ATP6V1C2: variants seen among roughly 807,000 people sequenced by gnomAD.
The protein encoded by ATP6V1C2 is ATPase H+ transporting V1 subunit C2, also known as V-type proton ATPase subunit C 2.
A neutral mutation model predicts 56.8 loss-of-function variants in ATP6V1C2; 45 were observed. That is an observed-to-expected ratio of 0.79 (90% CI 0.62 to 1.02). The LOEUF (loss-of-function observed/expected upper bound fraction) is 1.02, where lower values mean the gene tolerates loss of function less well. ATP6V1C2 is among the 50% of genes least tolerant of loss of function. ATP6V1C2 has a pLI of 0.00. For synonymous variants in ATP6V1C2, 220 were observed against 201.3 expected (o/e 1.09, Z -0.79); for missense variants, 463 against 519.7 (o/e 0.89, Z 1.06).
At chr2:10,744,388 T>C (rs976427055) in intron 3 of ATP6V1C2, 10 of 152,218 alleles carry the variant, frequency 6.6e-5, no homozygotes, top group African/African-American at 2.4e-4. Context: ...CTTTATACAC[T>C]GAACTAATTG....
chr2:10,720,943 C>A (rs1488576090), upstream of ATP6V1C2: 1 of 152,208 alleles, frequency 6.6e-6, no homozygotes, highest in Non-Finnish European at 1.5e-5. Flanking sequence ...TCCAGGGTTT[C>A]CCCCTCCTGG....
chr2:10,721,460 C>T (rs1213425263), upstream of ATP6V1C2, among the ~76,000 whole-genome samples: 2 of 152,130 alleles, frequency 1.3e-5, no homozygotes, highest in Admixed American at 6.5e-5. Flanking sequence ...GGACTGGAGA[C>T]CCTGCGCGTC....
At chr2:10,751,235 C>T (rs576183380) in intron 3 of ATP6V1C2, among the ~76,000 whole-genome samples, 5 of 152,096 alleles carry the variant, frequency 3.3e-5, no homozygotes, top group African/African-American at 1.2e-4. Context: ...CCAGACTCTC[C>T]CTCCTTCTGA....
chr2:10,783,249 A>C lies in ATP6V1C2; in HGVS notation c.1270A>C (p.Ser424Arg). 6.2e-7 allele frequency: 1 copy of C among 1,613,034 alleles called. No individual in the cohort carries two copies. The highest frequency in any genetic ancestry group is 8.5e-7 in the Non-Finnish European group (1 of 1,179,036). ...TTATGTCTACTTCCATATTGACCTTAGTCTTCTTGACTAGAAAGGCCAGCT... is the reference window on the plus strand; with the variant it reads ...TTATGTCTACTTCCATATTGACCTTCGTCTTCTTGACTAGAAAGGCCAGCT... ...FPYVYFHIDL[S>R]LLD Residue 424 changes from serine to arginine, a missense_variant, in exon 14 of 14, where the codon AGT becomes CGT. Transcript: ENST00000272238.
At chr2:10,782,403 T>C in intron 13 of ATP6V1C2, 28 bp downstream of exon 13, 1 of 1,611,518 alleles carries the variant, frequency 6.2e-7, no homozygotes, top group Non-Finnish European at 8.5e-7. Flanking sequence ...GCAGTATTTC[T>C]ACAGTAAGCT....
intron 3 of ATP6V1C2, among the ~76,000 whole-genome samples, chr2:10,751,537 G>A (rs144164416): frequency 1.1e-4 from 17 of 152,236 alleles, no homozygotes; most frequent in South Asian, 4.1e-4. Flanking sequence ...AAATGCCATC[G>A]CACGGATGGA....
At chr2:10,781,395 T>C (rs1011379939) in intron 12 of ATP6V1C2, among the ~76,000 whole-genome samples, 6 of 152,078 alleles carry the variant, frequency 3.9e-5, no homozygotes, top group Non-Finnish European at 7.4e-5. Context: ...GGAGAATCGG[T>C]TGAACCCAGG....
At chr2:10,772,038 C>G in intron 7 of ATP6V1C2, 101 bp downstream of exon 7, 1 of 969,374 alleles carries the variant, frequency 1.0e-6, no homozygotes, top group Non-Finnish European at 1.6e-6. Context: ...GCTCCCTGCC[C>G]AGCCCCAGTT....
chr2:10,726,617 T>C (rs766775983), intron 3 of ATP6V1C2, 48 bp downstream of exon 3: 1 of 1,512,516 alleles, frequency 6.6e-7, no homozygotes, highest in East Asian at 2.3e-5. Flanking sequence ...TTGACATTGT[T>C]GTCAGAGGAC....
chr2:10,748,211 GCT>G (rs1377057097), intron 3 of ATP6V1C2, among the ~76,000 whole-genome samples: 1 of 152,064 alleles, frequency 6.6e-6, no homozygotes, highest in Non-Finnish European at 1.5e-5. Flanking sequence ...GACCTTGATG[GCT>G]CTGAGTTTTT....
At chr2:10,766,785 A>G (rs1664248046) in intron 5 of ATP6V1C2, among the ~76,000 whole-genome samples, 1 of 152,038 alleles carries the variant, frequency 6.6e-6, no homozygotes, top group South Asian at 2.1e-4. Context: ...TAGTTGCATA[A>G]TGCCGTATAC....
intron 3 of ATP6V1C2, among the ~76,000 whole-genome samples, chr2:10,740,087 C>CAAA (rs70953339): frequency 9.6e-6 from 1 of 103,746 alleles, no homozygotes; most frequent in South Asian, 3.5e-4. Flanking sequence ...GACTCCATCT[C>CAAA]AAAAAAAAAA....
At chr2:10,731,582 A>G (rs983895801) in intron 3 of ATP6V1C2, among the ~76,000 whole-genome samples, 42 of 152,356 alleles carry the variant, frequency 2.8e-4, no homozygotes, top group Admixed American at 1.8e-3. Flanking sequence ...CATTGAGAAC[A>G]GCCCACTGCC....
chr2:10,758,962 G>A (rs1422328482), intron 4 of ATP6V1C2, among the ~76,000 whole-genome samples: 4 of 152,302 alleles, frequency 2.6e-5, no homozygotes, highest in Non-Finnish European at 4.4e-5. Flanking sequence ...CCACCGCGCC[G>A]GCCGAGAGGC....
intron 10 of ATP6V1C2, among the ~76,000 whole-genome samples, chr2:10,776,408 G>A (rs558081381): frequency 2.0e-5 from 3 of 152,252 alleles, no homozygotes; most frequent in Non-Finnish European, 2.9e-5. Flanking sequence ...TCCTGAGGAC[G>A]AGGAGCCGAG....
chr2:10,782,808 C>T lies in ATP6V1C2; in HGVS notation c.1195-366C>T, dbSNP rs1211670. 1.8e-3 allele frequency among the ~76,000 whole-genome samples: 217 copies of T among 117,364 alleles called. 1 individual carries two copies. The Middle Eastern group carries it at 0.048, about 26-fold the overall frequency. 77.0% of individuals were successfully genotyped at this position (117,364 alleles called of 152,430 possible). Reference sequence around the variant, plus strand: ...ATCACGCCACTACACTCCAGCCTGGCGACAGAACAAGACTCTGTCTCAAAA... The same window carrying T: ...ATCACGCCACTACACTCCAGCCTGGTGACAGAACAAGACTCTGTCTCAAAA... On this transcript the variant is annotated intron_variant, in intron 13 of 13. Transcript: ENST00000272238.
In ATP6V1C2 at chr2:10,783,321, C is replaced by G; in HGVS notation, c.*58C>G. On this transcript the variant is annotated 3_prime_UTR_variant, in exon 14 of 14. Transcript: ENST00000272238. ...TGCAGATTATTACAGACACCTCTTT[C>G]CTTTAGCCAGAGAATGGTTCAAATG... The G allele has an allele frequency of 8.4e-7, 1 of 1,194,022 alleles. No homozygotes were observed. Among genetic ancestry groups the G allele is most frequent in the Non-Finnish European group, 1.2e-6 (1 of 806,382 alleles). The allele number at this position is 1,194,022 out of a possible 1,614,324, so 74.0% of individuals were successfully genotyped here. A position where few individuals can be genotyped will look rare whatever the true frequency, so the allele number is the denominator to read the frequency against.
At chr2:10,745,118 C>T (rs1662829382) in intron 3 of ATP6V1C2, among the ~76,000 whole-genome samples, 1 of 129,696 alleles carries the variant, frequency 7.7e-6, no homozygotes, top group African/African-American at 2.9e-5. Flanking sequence ...AATCTCGGTT[C>T]ATTGCAACCT....
At chr2:10,757,090 G>A (rs1173299878) in intron 4 of ATP6V1C2, among the ~76,000 whole-genome samples, 5 of 124,610 alleles carry the variant, frequency 4.0e-5, no homozygotes, top group African/African-American at 1.6e-4. Flanking sequence ...TCAGCTCACC[G>A]CAACCTCTGC....
Sources: gnomAD v4.1 joint callset for allele counts (sites outside exome capture counted in the v4.1 genomes callset) on GRCh38, gnomAD v4.1.1 for gene constraint, MANE v1.5 for transcripts, NCBI Gene and HGNC (gene_info 2026-07-23, HGNC 2026-07-21) for gene names.